SLC8A1: variants seen among roughly 807,000 people sequenced by gnomAD.
SLC8A1 encodes sodium/calcium exchanger 1.
Under a neutral mutation model 68.3 loss-of-function variants are expected in SLC8A1, and 18 were observed. That is an observed-to-expected ratio of 0.26 (90% CI 0.18 to 0.39). The LOEUF (loss-of-function observed/expected upper bound fraction) is 0.39, where lower values mean the gene tolerates loss of function less well. Among genes scored for constraint, SLC8A1 ranks in the 10% least tolerant of loss-of-function variants. The probability of loss-of-function intolerance (pLI) is 1.00; values close to 1 mark genes in which losing one functional copy is unlikely to be tolerated. For missense variants in SLC8A1, 985 were observed against 1,156.7 expected (o/e 0.85, Z 2.15); for synonymous variants, 475 against 415.5 (o/e 1.14, Z -1.74).
intron 1 of SLC8A1, among the ~76,000 whole-genome samples, chr2:40,494,220 C>T (rs1268728281): frequency 6.6e-6 from 1 of 152,080 alleles, no homozygotes; most frequent in Non-Finnish European, 1.5e-5. Flanking sequence ...GCTACCTGGA[C>T]ATTATTTTCT....
At chr2:40,162,144 T>C (rs1013871087) in intron 5 of SLC8A1, among the ~76,000 whole-genome samples, 7 of 152,228 alleles carry the variant, frequency 4.6e-5, no homozygotes, top group African/African-American at 1.4e-4. Context: ...CTTAGGGTGA[T>C]GACCTTTCAG....
intron 2 of SLC8A1, among the ~76,000 whole-genome samples, chr2:40,399,943 G>A (rs187030643): frequency 5.9e-5 from 9 of 152,276 alleles, no homozygotes; most frequent in East Asian, 5.8e-4. Context: ...GTTAAAGATC[G>A]ACCCCTGACC....
chr2:40,170,496 C>G (rs1413042698), intron 4 of SLC8A1, 147 bp from the exon 7 acceptor site: 1 of 663,018 alleles, frequency 1.5e-6, no homozygotes, highest in African/African-American at 1.8e-5. Flanking sequence ...CATAGGTCAC[C>G]CCTAGGTAGG....
intron 2 of SLC8A1, among the ~76,000 whole-genome samples, chr2:40,214,344 C>T (rs889352933): frequency 5.9e-5 from 9 of 152,094 alleles, no homozygotes; most frequent in African/African-American, 2.2e-4. Flanking sequence ...CCCTCAACCC[C>T]GCAACTCTCC....
At chr2:40,177,693 G>A in intron 3 of SLC8A1, 1 of 1,000,772 alleles carries the variant, frequency 1.0e-6, no homozygotes, top group South Asian at 1.4e-5. Context: ...TGAGAGTAGG[G>A]AGACACGGAG....
intron 2 of SLC8A1, among the ~76,000 whole-genome samples, chr2:40,218,801 A>C (rs969355937): frequency 2.0e-5 from 3 of 151,992 alleles, no homozygotes; most frequent in East Asian, 3.9e-4. Context: ...AGATTTCAGC[A>C]GGACACCTCT....
At chr2:40,249,227 C>G (rs1470691309) in intron 2 of SLC8A1, among the ~76,000 whole-genome samples, 1 of 146,842 alleles carries the variant, frequency 6.8e-6, no homozygotes, top group African/African-American at 2.7e-5. Context: ...ATTAAAGAGT[C>G]TCTGTTATGA....
intron 2 of SLC8A1, among the ~76,000 whole-genome samples, chr2:40,422,378 T>G (rs1206113914): frequency 1.3e-5 from 2 of 152,156 alleles, no homozygotes; most frequent in Non-Finnish European, 2.9e-5. Flanking sequence ...CTATAGGCAA[T>G]TTTCCACATC....
intron 2 of SLC8A1, among the ~76,000 whole-genome samples, chr2:40,390,655 TGTTGAAATGTGCCATTTTCAC>T (rs1262818470): frequency 6.6e-6 from 1 of 152,128 alleles, no homozygotes; most frequent in Non-Finnish European, 1.5e-5. Context: ...CAGATCATGC[TGTTGAAATGTGCCATTTTCAC>T]ATACACATAG....
chr2:40,241,459 C>A (rs879232094), intron 2 of SLC8A1, among the ~76,000 whole-genome samples: 4 of 152,112 alleles, frequency 2.6e-5, no homozygotes, highest in Admixed American at 2.6e-4. Flanking sequence ...GCACATGTAC[C>A]CCCTCCGTCA....
At chr2:40,310,751 T>C (rs1184043454) in intron 2 of SLC8A1, among the ~76,000 whole-genome samples, 3 of 152,094 alleles carry the variant, frequency 2.0e-5, no homozygotes, top group African/African-American at 7.2e-5. Flanking sequence ...CTCAGTAGAA[T>C]ACATTTTCCA....
intron 2 of SLC8A1, among the ~76,000 whole-genome samples, chr2:40,385,238 G>T (rs117844272): frequency 6.6e-6 from 1 of 151,956 alleles, no homozygotes; most frequent in Non-Finnish European, 1.5e-5. Flanking sequence ...TCCTAGTCTC[G>T]AGGAGGAAAC....
intron 2 of SLC8A1, among the ~76,000 whole-genome samples, chr2:40,319,299 C>G (rs1019516077): frequency 6.6e-6 from 1 of 152,102 alleles, no homozygotes; most frequent in African/African-American, 2.4e-5. Flanking sequence ...TAGCTCAACA[C>G]TGACTCTCTT....
exon 8 of SLC8A1, chr2:40,111,499 T>C (rs2034548999): frequency 6.6e-6 from 1 of 152,160 alleles, no homozygotes; most frequent in African/African-American, 2.4e-5. Flanking sequence ...ATTTTAAAGA[T>C]GATCGGATCA....
chr2:40,408,293 TAC>T (rs1691012932), intron 2 of SLC8A1, among the ~76,000 whole-genome samples: 1 of 152,204 alleles, frequency 6.6e-6, no homozygotes, highest in South Asian at 2.1e-4. Flanking sequence ...CTCTGTGAGA[TAC>T]ACAGTTACTC....
intron 1 of SLC8A1, among the ~76,000 whole-genome samples, chr2:40,442,022 C>T (rs13422783): frequency 0.074 from 9,034 of 122,898 alleles, 888 homozygotes; most frequent in African/African-American, 0.24. Context: ...CAAGTCTTTG[C>T]TATTGTGAAT....
chr2:40,244,035 C>T (rs978644330), intron 2 of SLC8A1, among the ~76,000 whole-genome samples: 1 of 99,478 alleles, frequency 1.0e-5, no homozygotes, highest in East Asian at 2.1e-4. Flanking sequence ...CTCCCATCAG[C>T]AGCCCTTTTG....
At chr2:40,126,613 A>G (rs1345571365) in intron 7 of SLC8A1, among the ~76,000 whole-genome samples, 2 of 152,114 alleles carry the variant, frequency 1.3e-5, no homozygotes, top group Admixed American at 1.3e-4. Context: ...GCCTGAGTAA[A>G]TCTAGGGGTG....
intron 1 of SLC8A1, among the ~76,000 whole-genome samples, chr2:40,461,882 C>T (rs981587856): frequency 6.0e-5 from 9 of 151,176 alleles, no homozygotes; most frequent in African/African-American, 2.2e-4. Context: ...ATACATTCAT[C>T]GTTATAAGAA....
Sources: gnomAD v4.1 joint callset for allele counts (sites outside exome capture counted in the v4.1 genomes callset) on GRCh38, gnomAD v4.1.1 for gene constraint, MANE v1.5 for transcripts, NCBI Gene and HGNC (gene_info 2026-07-23, HGNC 2026-07-21) for gene names.